The following PSMF1 variants were observed in gnomAD, a reference collection of about 807,000 sequenced individuals.
The protein encoded by PSMF1 is proteasome inhibitor PI31 subunit.
In PSMF1, 30 loss-of-function variants were observed where a neutral mutation model predicts 29.3. That is an observed-to-expected ratio of 1.02 (90% CI 0.77 to 1.39). The LOEUF (loss-of-function observed/expected upper bound fraction) is 1.39. PSMF1 is among the 40% of genes most tolerant of loss of function. The pLI, the probability that PSMF1 is intolerant of heterozygous loss-of-function variation, is 0.00. For missense variants in PSMF1, 344 were observed against 357.5 expected, an observed-to-expected ratio of 0.96 and a Z score of 0.31; for synonymous variants, 134 against 139.7, an observed-to-expected ratio of 0.96 and a Z score of 0.29.
chr20:1,118,420 G>C (rs1056008328), upstream of PSMF1: 4 of 213,064 alleles, frequency 1.9e-5, no homozygotes, highest in African/African-American at 9.2e-5. Flanking sequence ...TCTCAGCAAG[G>C]TGGCCTCTTG....
rs868080737 is a variant in PSMF1, at chr20:1,132,351, C to T, written c.366-2770C>T. On this transcript the variant is annotated intron_variant, in intron 3 of 6. Transcript: ENST00000335877. ...AGTGCAGTGGTGTGATCTTGGCTCACTTCAACCTCTGCCTCCGGGGTTCAA... is the reference window on the plus strand; with the variant it reads ...AGTGCAGTGGTGTGATCTTGGCTCATTTCAACCTCTGCCTCCGGGGTTCAA... Among the ~76,000 whole-genome samples, 6 of 151,848 alleles carry T rather than the reference C, an allele frequency of 4.0e-5. No homozygotes were observed. The East Asian group carries it at 7.8e-4, about 20-fold the overall frequency.
chr20:1,121,358 G>A (rs1384217586), intron 1 of PSMF1, among the ~76,000 whole-genome samples: 3 of 151,932 alleles, frequency 2.0e-5, no homozygotes, highest in Admixed American at 2.0e-4. Flanking sequence ...ATGAGTGTTT[G>A]GATTGCAAAC....
intron 4 of PSMF1, among the ~76,000 whole-genome samples, chr20:1,158,798 C>G (rs1382557030): frequency 6.6e-6 from 1 of 152,158 alleles, no homozygotes; most frequent in Non-Finnish European, 1.5e-5. Context: ...TTTAAAAATA[C>G]CTGGAGCCTC....
Position 1,149,671 on chromosome 20 carries a change from A to T in PSMF1, c.552-13459A>T, listed in dbSNP as rs79478713. ...TTTTCTTTGAAAAAATGACTGCTTC[A>T]GCCAGCAGCTTGAACAACTGCACAA... On this transcript the variant is annotated intron_variant, in intron 4 of 6. Coordinates refer to ENST00000335877, the MANE Select transcript of PSMF1 (RefSeq NM_006814.5). 3.0e-3 allele frequency among the ~76,000 whole-genome samples: 463 copies of T among 152,382 alleles called. 1 individual carries two copies. The highest frequency in any genetic ancestry group is 0.011 in the African/African-American group (437 of 41,594).
At chr20:1,159,072 G>GGAAA (rs2086633014) in intron 4 of PSMF1, among the ~76,000 whole-genome samples, 1 of 146,950 alleles carries the variant, frequency 6.8e-6, no homozygotes, top group Non-Finnish European at 1.5e-5. Context: ...AAAAAAAAAA[G>GGAAA]AAGAAGTAAA....
chr20:1,122,125 C>T (rs1370357759), intron 1 of PSMF1, among the ~76,000 whole-genome samples: 2 of 152,118 alleles, frequency 1.3e-5, no homozygotes, highest in Admixed American at 6.5e-5. Flanking sequence ...TCTTTATTCT[C>T]TTAGGGCCAG....
Position 1,166,083 on chromosome 20 carries a change from G to A in PSMF1, c.*1003G>A. 1.3e-6 allele frequency: 2 copies of A among 1,519,694 alleles called. No homozygotes were observed. The highest frequency in any genetic ancestry group is 4.9e-5 in the East Asian group (2 of 40,478). 94.1% of individuals were successfully genotyped at this position (1,519,694 alleles called of 1,614,324 possible). A position where few individuals can be genotyped will look rare whatever the true frequency, so the allele number is the denominator to read the frequency against. The stretch of plus-strand genomic sequence containing the variant: ...TTGTGTGGTTCTTGCCTAACTCTGT[G>A]GTTTTTGGACCCCATGGGGCCCAGA... On this transcript the variant is annotated 3_prime_UTR_variant, in exon 7 of 7. Coordinates refer to ENST00000335877, the MANE Select transcript of PSMF1 (RefSeq NM_006814.5).
intron 1 of PSMF1, among the ~76,000 whole-genome samples, chr20:1,121,912 G>A (rs1206998146): frequency 3.9e-5 from 6 of 152,192 alleles, no homozygotes; most frequent in Admixed American, 1.3e-4. Flanking sequence ...ATAGGTAAGG[G>A]ATGACTTAGG....
In PSMF1 at chr20:1,166,384, C is replaced by T; in HGVS notation, c.*1304C>T. 7 of 1,028,058 alleles carry T rather than the reference C, an allele frequency of 6.8e-6. No individual in the cohort carries two copies. Among genetic ancestry groups the T allele is most frequent in the African/African-American group, 1.6e-5 (1 of 62,960 alleles). 63.7% of individuals were successfully genotyped at this position (1,028,058 alleles called of 1,614,324 possible). A position where few individuals can be genotyped will look rare whatever the true frequency, so the allele number is the denominator to read the frequency against. On this transcript the variant is annotated 3_prime_UTR_variant, in exon 7 of 7. Transcript: ENST00000335877. ...TGTGGATCCTTTCATTTCTCAGCTC[C>T]CTGGATTCCTTCCCCTAAATTAGGA...
rs114542778 is a variant in PSMF1, at chr20:1,137,253, G to A, written c.551+1947G>A. 6.7e-3 allele frequency among the ~76,000 whole-genome samples: 1,027 copies of A among 152,320 alleles called. 14 individuals are homozygous for A. The highest frequency in any genetic ancestry group is 0.024 in the African/African-American group (987 of 41,566). On this transcript the variant is annotated intron_variant, in intron 4 of 6. Coordinates refer to ENST00000335877, the MANE Select transcript of PSMF1 (RefSeq NM_006814.5). The stretch of plus-strand genomic sequence containing the variant: ...AATCCTAGCCTTGGAAGAACTGAGA[G>A]AATGAGAAAATCACCATGTTGCAAC...
At chr20:1,128,138 C>T (rs2086183896) in intron 3 of PSMF1, among the ~76,000 whole-genome samples, 1 of 152,146 alleles carries the variant, frequency 6.6e-6, no homozygotes, top group Non-Finnish European at 1.5e-5. Flanking sequence ...AAAATCTGTG[C>T]TTCTCCTATT....
At chr20:1,153,897 ATAAGAAATCTGTGTTTTC>A (rs1445650102) in intron 4 of PSMF1, among the ~76,000 whole-genome samples, 2 of 152,232 alleles carry the variant, frequency 1.3e-5, no homozygotes, top group African/African-American at 4.8e-5. Flanking sequence ...GTGACAGAGG[ATAAGAAATCTGTGTTTTC>A]TAACATAGAA....
intron 4 of PSMF1, among the ~76,000 whole-genome samples, chr20:1,158,098 C>A (rs1375381863): frequency 1.3e-5 from 2 of 152,164 alleles, no homozygotes; most frequent in African/African-American, 4.8e-5. Context: ...ATTATTGTGT[C>A]TCCTGGTGGC....
At position 1,165,019 on chromosome 20, in the gene PSMF1, TCCATTCCAGACCTAA is replaced by T; in HGVS notation, c.765-7_772del. 6.2e-7 allele frequency: 1 copy of T among 1,610,856 alleles called. No homozygotes were observed. Among genetic ancestry groups the T allele is most frequent in the Non-Finnish European group, 8.5e-7 (1 of 1,177,128 alleles). ...TCACTCCAACTCATCAGCCCCTCTTTCCATTCCAGACCTAACCCAGACCATCTCCCCCCGCCGGGC... is the reference window on the plus strand; with the variant it reads ...TCACTCCAACTCATCAGCCCCTCTTTCCCAGACCATCTCCCCCCGCCGGGC... On this transcript the variant is annotated splice_acceptor_variant and splice_polypyrimidine_tract_variant and coding_sequence_variant and intron_variant, in exon 7 of 7. Transcript: ENST00000335877. LOFTEE classifies it high-confidence loss of function.
chr20:1,164,930 C>G lies in PSMF1; in HGVS notation c.765-99C>G. On this transcript the variant is annotated intron_variant, in intron 6 of 6. Coordinates refer to ENST00000335877, the MANE Select transcript of PSMF1 (RefSeq NM_006814.5). This position sits in a 1 kb window ranked among gnomAD's most constrained non-coding sequence, Gnocchi z 4.1. ...GTTTAAATTCCTCACACCGCCACAT[C>G]ATGTTGAAGGGCAGGCTCCCTCAGT... is the stretch of plus-strand genomic sequence containing the variant. The G allele has an allele frequency of 1.9e-6, 2 of 1,060,524 alleles. No homozygotes were observed. Among genetic ancestry groups the G allele is most frequent in the Non-Finnish European group, 2.9e-6 (2 of 687,942 alleles). The allele number at this position is 1,060,524 out of a possible 1,614,324, so 65.7% of individuals were successfully genotyped here.
chr20:1,137,656 A>G (rs2086324327), intron 4 of PSMF1, among the ~76,000 whole-genome samples: 1 of 152,246 alleles, frequency 6.6e-6, no homozygotes, highest in African/African-American at 2.4e-5. Context: ...TCTTGTGGAA[A>G]GAGTCATACC....
rs1199510535 is a variant in PSMF1, at chr20:1,165,419, G to A, written c.*339G>A. On this transcript the variant is annotated 3_prime_UTR_variant, in exon 7 of 7. Transcript: ENST00000335877. ...AGATGCAGTGCTATAAGAACAGAAC[G>A]CATTTTGGATGTTATTATTAAGAAC... 1.8e-5 allele frequency: 20 copies of A among 1,138,688 alleles called. No homozygotes were observed. In the South Asian group the frequency reaches 2.4e-4, roughly 14 times the overall value. 70.5% of individuals were successfully genotyped at this position (1,138,688 alleles called of 1,614,324 possible). A position where few individuals can be genotyped will look rare whatever the true frequency, so the allele number is the denominator to read the frequency against.
chr20:1,118,001 GATA>G (rs1426128007), upstream of PSMF1: 1 of 152,246 alleles, frequency 6.6e-6, no homozygotes, highest in African/African-American at 2.4e-5. Flanking sequence ...GCAAAATGGG[GATA>G]ATAACGGTCC....
intron 3 of PSMF1, chr20:1,134,894 G>T (rs2086281931): frequency 1.6e-6 from 1 of 626,588 alleles, no homozygotes; most frequent in Non-Finnish European, 2.9e-6. Context: ...ACAAGGAGGG[G>T]CAACTCAGAT....
Sources: gnomAD v4.1 joint callset for allele counts (sites outside exome capture counted in the v4.1 genomes callset) on GRCh38, gnomAD v4.1.1 for gene constraint, Gnocchi (gnomAD v3.1) non-coding constraint, MANE v1.5 for transcripts, NCBI Gene and HGNC (gene_info 2026-07-23, HGNC 2026-07-21) for gene names.